The following PTPRR variants were observed in gnomAD, a reference collection of about 807,000 sequenced individuals.
The protein encoded by PTPRR is protein tyrosine phosphatase receptor type R.
PTPRR carries 38 observed loss-of-function variants against 77.2 expected under a neutral mutation model. The observed-to-expected ratio is 0.49, with a 90% confidence interval of 0.38 to 0.65. The LOEUF (loss-of-function observed/expected upper bound fraction) is 0.65. Ranked by LOEUF, PTPRR falls within the 30% of genes least tolerant of loss-of-function variation. PTPRR has a pLI of 0.00. For missense variants in PTPRR, 744 were observed against 799.2 expected (o/e 0.93, Z 0.83); for synonymous variants, 299 against 283.1 (o/e 1.06, Z -0.57).
chr12:70,847,568 G>T (rs1892506312), intron 2 of PTPRR, among the ~76,000 whole-genome samples: 1 of 152,126 alleles, frequency 6.6e-6, no homozygotes, highest in African/African-American at 2.4e-5. Flanking sequence ...ATTTTGGAAA[G>T]ACTGGGTGAG....
At chr12:70,721,781 C>T (rs1337976682) in intron 6 of PTPRR, among the ~76,000 whole-genome samples, 1 of 152,060 alleles carries the variant, frequency 6.6e-6, no homozygotes, top group Non-Finnish European at 1.5e-5. Flanking sequence ...AACAAATAAA[C>T]AAAGTGGATT....
chr12:70,846,078 CA>C (rs906802030), intron 2 of PTPRR, among the ~76,000 whole-genome samples: 8 of 151,972 alleles, frequency 5.3e-5, no homozygotes, highest in African/African-American at 1.9e-4. Context: ...AACTAAGCAA[CA>C]ACTTAAGGAT....
chr12:70,867,574 G>A (rs1302792976), intron 2 of PTPRR, among the ~76,000 whole-genome samples: 16 of 151,118 alleles, frequency 1.1e-4, no homozygotes, highest in African/African-American at 2.9e-4. Context: ...ATGCTCATGG[G>A]TAGGAAGAAT....
intron 2 of PTPRR, among the ~76,000 whole-genome samples, chr12:70,784,079 G>A (rs1891267940): frequency 6.6e-6 from 1 of 152,180 alleles, no homozygotes; most frequent in African/African-American, 2.4e-5. Flanking sequence ...TTGGGTGGCT[G>A]CAGCTGAGGG....
chr12:70,914,473 T>G (rs1229997299), intron 1 of PTPRR, among the ~76,000 whole-genome samples: 1 of 152,140 alleles, frequency 6.6e-6, no homozygotes, highest in Non-Finnish European at 1.5e-5. Context: ...GACATGATCA[T>G]GGAGAGTGGA....
At chr12:70,738,718 G>T (rs996002419) in intron 6 of PTPRR, among the ~76,000 whole-genome samples, 6 of 152,188 alleles carry the variant, frequency 3.9e-5, no homozygotes, top group African/African-American at 1.4e-4. Flanking sequence ...ATTTCCCTTA[G>T]AGTGATCAGT....
intron 6 of PTPRR, among the ~76,000 whole-genome samples, chr12:70,707,802 T>C (rs1888671167): frequency 6.6e-6 from 1 of 152,112 alleles, no homozygotes; most frequent in Admixed American, 6.6e-5. Context: ...AGTTGTTCCT[T>C]AGCAAGGCTT....
intron 5 of PTPRR, among the ~76,000 whole-genome samples, chr12:70,753,460 G>A (rs1890467323): frequency 6.6e-6 from 1 of 152,088 alleles, no homozygotes; most frequent in Non-Finnish European, 1.5e-5. Flanking sequence ...ATTACATCTT[G>A]AAATTTTCAA....
chr12:70,729,780 T>A (rs1387247985), intron 6 of PTPRR, among the ~76,000 whole-genome samples: 4 of 152,124 alleles, frequency 2.6e-5, no homozygotes, highest in African/African-American at 9.7e-5. Context: ...CAGCTTACAA[T>A]TTAGTTTACT....
intron 2 of PTPRR, among the ~76,000 whole-genome samples, chr12:70,883,989 T>C (rs554138117): frequency 1.3e-5 from 2 of 152,208 alleles, no homozygotes; most frequent in African/African-American, 2.4e-5. Flanking sequence ...TTAACAGCCA[T>C]GCATGGGTCT....
chr12:70,744,673 T>C (rs753409579), intron 6 of PTPRR, among the ~76,000 whole-genome samples: 17 of 152,202 alleles, frequency 1.1e-4, no homozygotes, highest in Non-Finnish European at 1.9e-4. Context: ...CATTGTGATG[T>C]ATCATGGGAA....
intron 2 of PTPRR, among the ~76,000 whole-genome samples, chr12:70,786,496 CCT>C (rs1891324360): frequency 6.6e-6 from 1 of 151,960 alleles, no homozygotes; most frequent in African/African-American, 2.4e-5. Flanking sequence ...GAGATGGGTA[CCT>C]TTTATGTGCT....
chr12:70,700,328 G>T (rs1272099398), intron 7 of PTPRR, among the ~76,000 whole-genome samples: 1 of 152,134 alleles, frequency 6.6e-6, no homozygotes, highest in African/African-American at 2.4e-5. Flanking sequence ...ACCTAAGAAG[G>T]TTTAATCTTA....
intron 1 of PTPRR, among the ~76,000 whole-genome samples, chr12:70,910,944 T>C (rs1381104920): frequency 6.6e-6 from 1 of 152,182 alleles, no homozygotes; most frequent in East Asian, 1.9e-4. Flanking sequence ...CTGAGTTTTC[T>C]TGTGAACTAT....
chr12:70,786,812 G>C (rs1513094), intron 2 of PTPRR, among the ~76,000 whole-genome samples: 140,470 of 152,286 alleles, frequency 0.92, 65,403 homozygotes, highest in East Asian at 1. Context: ...TTGGCATGTG[G>C]TTTTAACATG....
At chr12:70,839,695 C>T (rs189077663) in intron 2 of PTPRR, among the ~76,000 whole-genome samples, 89 of 152,262 alleles carry the variant, frequency 5.8e-4, no homozygotes, top group African/African-American at 1.6e-3. Context: ...ATAAATCCAA[C>T]AGAACCTGGC....
At chr12:70,641,064 G>A (rs1422791666) in intron 13 of PTPRR, among the ~76,000 whole-genome samples, 1 of 152,170 alleles carries the variant, frequency 6.6e-6, no homozygotes, top group East Asian at 1.9e-4. Context: ...TGTGGTAATG[G>A]TTTATCTTCT....
In PTPRR at chr12:70,684,100, C is replaced by T. The variant is rs749793586; in HGVS notation, c.1497+27G>A. On this transcript the variant is annotated intron_variant, in intron 10 of 13. Coordinates refer to ENST00000283228, the MANE Select transcript of PTPRR (RefSeq NM_002849.4). ...TTCTATAGCAACAGAACACATATAA[C>T]ATTCAGAACTTGATTAAAGATCATA... 3.1e-6 allele frequency: 5 copies of T among 1,608,476 alleles called. No individual in the cohort carries two copies. In the East Asian group the frequency reaches 8.9e-5, roughly 29 times the overall value.
At position 70,754,184 on chromosome 12, in the gene PTPRR, A is replaced by C; in HGVS notation, c.738+7T>G. 6.2e-7 allele frequency: 1 copy of C among 1,611,812 alleles called. No homozygotes were observed. The highest frequency in any genetic ancestry group is 8.5e-7 in the Non-Finnish European group (1 of 1,179,200). On this transcript the variant is annotated splice_region_variant and intron_variant, in intron 5 of 13. Coordinates refer to ENST00000283228, the MANE Select transcript of PTPRR (RefSeq NM_002849.4). ...AAAGGATAAAATATACAAAGAAGCA[A>C]ACTTACCATCAAACACGTTACTATA...
Sources: allele counts gnomAD v4.1 joint callset (sites outside exome capture counted in the v4.1 genomes callset), GRCh38; gene constraint gnomAD v4.1.1; transcripts MANE v1.5; gene names NCBI Gene and HGNC (gene_info 2026-07-23, HGNC 2026-07-21).